KCNH5: variants seen among roughly 807,000 people sequenced by gnomAD.
KCNH5 encodes potassium voltage-gated channel subfamily H member 5.
In KCNH5, 46 loss-of-function variants were observed where a neutral mutation model predicts 96.1. That is an observed-to-expected ratio of 0.48 (90% CI 0.38 to 0.61). The LOEUF is 0.61. Among genes scored for constraint, KCNH5 ranks in the 20% least tolerant of loss-of-function variants. KCNH5 has a pLI of 0.00. For synonymous variants in KCNH5, 439 were observed against 449.8 expected (o/e 0.98, Z 0.30); for missense variants, 907 against 1,225.8 (o/e 0.74, Z 3.88).
At chr14:62,721,780 A>G (rs1334852706) in intron 10 of KCNH5, among the ~76,000 whole-genome samples, 1 of 152,182 alleles carries the variant, frequency 6.6e-6, no homozygotes, top group Non-Finnish European at 1.5e-5. Context: ...CCCAAACATT[A>G]CTAATATTGT....
At chr14:63,010,182 A>T (rs1003146) in intron 2 of KCNH5, among the ~76,000 whole-genome samples, 1,849 of 152,272 alleles carry the variant, frequency 0.012, 29 homozygotes, top group African/African-American at 0.032. Flanking sequence ...CATTTGGAGG[A>T]CCACTTACAA....
chr14:62,850,204 T>C (rs1162973454), intron 7 of KCNH5, among the ~76,000 whole-genome samples: 1 of 152,232 alleles, frequency 6.6e-6, no homozygotes, highest in Non-Finnish European at 1.5e-5. Flanking sequence ...ATTAAAGTTA[T>C]CCTCCACTTT....
At chr14:62,720,790 G>C (rs1884795742) in intron 10 of KCNH5, among the ~76,000 whole-genome samples, 1 of 152,160 alleles carries the variant, frequency 6.6e-6, no homozygotes, top group African/African-American at 2.4e-5. Flanking sequence ...AGGACAAATG[G>C]TAGTGCCATT....
intron 7 of KCNH5, among the ~76,000 whole-genome samples, chr14:62,867,857 C>T (rs1482653622): frequency 6.6e-6 from 1 of 152,176 alleles, no homozygotes; most frequent in Non-Finnish European, 1.5e-5. Context: ...ATGGTTCCCA[C>T]CTTAACTTCA....
At chr14:62,911,214 G>C (rs1266519026) in intron 7 of KCNH5, among the ~76,000 whole-genome samples, 2 of 151,632 alleles carry the variant, frequency 1.3e-5, no homozygotes, top group African/African-American at 2.4e-5. Context: ...AAATGTTGAT[G>C]GTATAAACAA....
At position 62,853,479 on chromosome 14, in the gene KCNH5, A is replaced by C. The variant is rs1256873581; in HGVS notation, c.1370-3627T>G. Among the ~76,000 whole-genome samples the C allele has an allele frequency of 8.4e-5, 8 of 95,480 alleles. 1 individual carries two copies. The highest frequency in any genetic ancestry group is 3.4e-4 in the African/African-American group (8 of 23,582). The allele number at this position is 95,480 out of a possible 152,430, so 62.6% of individuals were successfully genotyped here. A position where few individuals can be genotyped will look rare whatever the true frequency, so the allele number is the denominator to read the frequency against. On this transcript the variant is annotated intron_variant, in intron 7 of 10. Transcript: ENST00000322893. Reference sequence around the variant, plus strand: ...ATCATATATATATATATATATATATATCATATATATATATAATCTTGGCCA... The same window carrying C: ...ATCATATATATATATATATATATATCTCATATATATATATAATCTTGGCCA...
At chr14:62,894,306 T>C (rs1382193336) in intron 7 of KCNH5, among the ~76,000 whole-genome samples, 1 of 152,164 alleles carries the variant, frequency 6.6e-6, no homozygotes, top group African/African-American at 2.4e-5. Flanking sequence ...ACAGGCACAC[T>C]GAATCTAAGT....
intron 7 of KCNH5, among the ~76,000 whole-genome samples, chr14:62,924,951 G>A (rs1391637017): frequency 6.6e-6 from 1 of 151,914 alleles, no homozygotes; most frequent in Non-Finnish European, 1.5e-5. Flanking sequence ...TAGATCTTAA[G>A]TATTCTTACC....
intron 7 of KCNH5, among the ~76,000 whole-genome samples, chr14:62,905,929 T>C (rs755975305): frequency 6.6e-6 from 1 of 152,186 alleles, no homozygotes; most frequent in African/African-American, 2.4e-5. Context: ...ACCCAGAATG[T>C]GGCAGTGCTG....
At chr14:62,903,554 A>G (rs1013636480) in intron 7 of KCNH5, among the ~76,000 whole-genome samples, 2 of 152,206 alleles carry the variant, frequency 1.3e-5, no homozygotes, top group African/African-American at 4.8e-5. Context: ...GTCAGATAAT[A>G]TGTAAGGTCC....
chr14:62,892,171 A>C (rs1196081694), intron 7 of KCNH5, among the ~76,000 whole-genome samples: 1 of 152,236 alleles, frequency 6.6e-6, no homozygotes, highest in East Asian at 1.9e-4. Flanking sequence ...TTGTGAATGC[A>C]AAGGAAAAGT....
chr14:62,829,395 C>T (rs1887295332), intron 8 of KCNH5, among the ~76,000 whole-genome samples: 1 of 152,342 alleles, frequency 6.6e-6, no homozygotes, highest in South Asian at 2.1e-4. Flanking sequence ...TCCACCCCTG[C>T]AGCAGGCTTC....
chr14:62,752,912 C>T (rs780826187), intron 10 of KCNH5, among the ~76,000 whole-genome samples: 8 of 152,136 alleles, frequency 5.3e-5, no homozygotes, highest in Non-Finnish European at 1.0e-4. Context: ...TCAAATAAAC[C>T]TCTTTTGTTT....
At chr14:62,981,927 G>T (rs925937882) in intron 5 of KCNH5, among the ~76,000 whole-genome samples, 4 of 152,142 alleles carry the variant, frequency 2.6e-5, no homozygotes, top group African/African-American at 9.7e-5. Flanking sequence ...TTTAGTGTAA[G>T]TTTATATGAA....
intron 10 of KCNH5, among the ~76,000 whole-genome samples, chr14:62,718,159 T>C (rs1419181931): frequency 6.6e-6 from 1 of 152,076 alleles, no homozygotes. Context: ...AAATTAATTA[T>C]TGTGTGGTTT....
intron 8 of KCNH5, among the ~76,000 whole-genome samples, chr14:62,844,554 T>C (rs1887652702): frequency 6.6e-6 from 1 of 152,194 alleles, no homozygotes; most frequent in Non-Finnish European, 1.5e-5. Flanking sequence ...TTCTTCTTCC[T>C]TCATGTACAC....
chr14:63,039,205 C>A (rs1236844969), intron 1 of KCNH5, among the ~76,000 whole-genome samples: 1 of 151,968 alleles, frequency 6.6e-6, no homozygotes, highest in Admixed American at 6.6e-5. Context: ...AAAAGAATTG[C>A]CTTAAACCAA....
chr14:62,875,843 G>A, intron 7 of KCNH5, among the ~76,000 whole-genome samples: 1 of 152,136 alleles, frequency 6.6e-6, no homozygotes, highest in Middle Eastern at 3.4e-3. Flanking sequence ...AATTGTCAAT[G>A]TTACGTTGTT....
chr14:62,768,468 G>A (rs1438692770), intron 10 of KCNH5, among the ~76,000 whole-genome samples: 1 of 152,088 alleles, frequency 6.6e-6, no homozygotes, highest in African/African-American at 2.4e-5. Flanking sequence ...GAATTCATAA[G>A]TAGTAGACAT....
Sources: gnomAD v4.1 joint callset for allele counts (sites outside exome capture counted in the v4.1 genomes callset) on GRCh38, gnomAD v4.1.1 for gene constraint, MANE v1.5 for transcripts, NCBI Gene and HGNC (gene_info 2026-07-23, HGNC 2026-07-21) for gene names.